NPIPB8: variants seen among roughly 807,000 people sequenced by gnomAD.
NPIPB8 encodes nuclear pore complex interacting protein family member B8, also known as nuclear pore complex-interacting protein family member B8.
A neutral mutation model predicts 5.3 loss-of-function variants in NPIPB8; 3 were observed. The ratio of observed to expected loss-of-function variants is 0.57; its 90% CI spans 0.26 to 1.47. The LOEUF (loss-of-function observed/expected upper bound fraction) is 1.47. Among genes scored for constraint, NPIPB8 ranks in the 40% most tolerant of loss-of-function variants. The pLI is 0.13. For synonymous variants in NPIPB8, 18 were observed against 23.0 expected, an observed-to-expected ratio of 0.78 and a Z score of 0.62; for missense variants, 50 against 50.2, an observed-to-expected ratio of 1.00 and a Z score of 0.01.
At chr16:28,639,058 G>C (rs1044147220) in intron 2 of NPIPB8, among the ~76,000 whole-genome samples, 7 of 142,364 alleles carry the variant, frequency 4.9e-5, no homozygotes, top group African/African-American at 1.9e-4. Flanking sequence ...GACAGAGCGA[G>C]ACTCTGTCAA....
chr16:28,642,288 T>C (rs1409133978), intron 2 of NPIPB8, among the ~76,000 whole-genome samples: 1 of 151,476 alleles, frequency 6.6e-6, no homozygotes, highest in Admixed American at 6.6e-5. Context: ...GTATTTTTAG[T>C]AGAGACAGGG....
chr16:28,640,289 C>T (rs1205416634), intron 2 of NPIPB8, among the ~76,000 whole-genome samples: 1 of 151,890 alleles, frequency 6.6e-6, no homozygotes, highest in African/African-American at 2.4e-5. Context: ...ATGTACACCA[C>T]TGAAGGCTCT....
chr16:28,645,110 C>T lies in NPIPB8; in HGVS notation c.121-3025C>T, dbSNP rs1378250849. 8.9e-5 allele frequency among the ~76,000 whole-genome samples: 11 copies of T among 123,706 alleles called. No individual in the cohort carries two copies. In the East Asian group the frequency reaches 1.5e-3, roughly 17 times the overall value. The allele number at this position is 123,706 out of a possible 152,430, so 81.2% of individuals were successfully genotyped here. A position where few individuals can be genotyped will look rare whatever the true frequency, so the allele number is the denominator to read the frequency against. The stretch of plus-strand genomic sequence containing the variant: ...CCAGGCTGGAGTGCAGTGGCAAGAT[C>T]TCGGCTCACTGCAACCTCCGCTTCC... On this transcript the variant is annotated intron_variant, in intron 2 of 7. Transcript: ENST00000683297.
At chr16:28,639,416 G>GACACACACACAGACAC (rs1385859108) in intron 2 of NPIPB8, among the ~76,000 whole-genome samples, 5 of 130,844 alleles carry the variant, frequency 3.8e-5, no homozygotes, top group Non-Finnish European at 6.7e-5. Flanking sequence ...CACACACACA[G>GACACACACACAGACAC]ACACACACAC....
At chr16:28,652,575 G>C (rs1408058711) in intron 5 of NPIPB8, among the ~76,000 whole-genome samples, 5 of 105,410 alleles carry the variant, frequency 4.7e-5, no homozygotes, top group African/African-American at 2.2e-4. Flanking sequence ...GGGAAGAGGA[G>C]TTGCTAGTAC....
chr16:28,644,821 C>T (rs1179436409), intron 2 of NPIPB8, among the ~76,000 whole-genome samples: 1 of 87,216 alleles, frequency 1.1e-5, no homozygotes, highest in Non-Finnish European at 2.4e-5. Flanking sequence ...ATGGCGAAAC[C>T]CCATCTCTAC....
At chr16:28,639,907 G>A (rs1390345132) in intron 2 of NPIPB8, among the ~76,000 whole-genome samples, 2 of 150,226 alleles carry the variant, frequency 1.3e-5, no homozygotes, top group Admixed American at 1.3e-4. Context: ...TGCATTGTCT[G>A]AATATTGACA....
chr16:28,650,942 G>T lies in NPIPB8; in HGVS notation c.304-1015G>T, dbSNP rs1390817749. ...ATAAGATGATAATTACCATCTAACCGTGTTGAAGTGTACAGTTCAGTTGTG... is the reference window on the plus strand; with the variant it reads ...ATAAGATGATAATTACCATCTAACCTTGTTGAAGTGTACAGTTCAGTTGTG... On this transcript the variant is annotated intron_variant, in intron 3 of 7. Transcript: ENST00000683297. 3.0e-4 allele frequency among the ~76,000 whole-genome samples: 27 copies of T among 89,766 alleles called. No homozygotes were observed. The East Asian group carries it at 8.5e-3, about 28-fold the overall frequency. 58.9% of individuals were successfully genotyped at this position (89,766 alleles called of 152,430 possible).
intron 3 of NPIPB8, among the ~76,000 whole-genome samples, chr16:28,650,953 T>C (rs1398773227): frequency 1.0e-5 from 1 of 98,076 alleles, no homozygotes; most frequent in Non-Finnish European, 1.8e-5. Context: ...TGTTGAAGTG[T>C]ACAGTTCAGT....
intron 2 of NPIPB8, among the ~76,000 whole-genome samples, chr16:28,639,735 G>C (rs1035302132): frequency 4.7e-5 from 7 of 149,266 alleles, no homozygotes; most frequent in Admixed American, 2.0e-4. Context: ...CTATAGGTGT[G>C]AGCCGCTACA....
intron 2 of NPIPB8, among the ~76,000 whole-genome samples, chr16:28,640,177 T>C (rs1464984332): frequency 1.3e-5 from 2 of 151,980 alleles, no homozygotes; most frequent in Non-Finnish European, 2.9e-5. Flanking sequence ...GACGGCAGGC[T>C]AGTCTGCATC....
At chr16:28,651,604 T>G (rs1178226805) in intron 3 of NPIPB8, among the ~76,000 whole-genome samples, 2 of 39,130 alleles carry the variant, frequency 5.1e-5, no homozygotes, top group South Asian at 1.0e-3. Flanking sequence ...CATGTCATTC[T>G]TGTGTGTGTG....
chr16:28,639,975 G>A (rs1002733816), intron 2 of NPIPB8, among the ~76,000 whole-genome samples: 91 of 151,086 alleles, frequency 6.0e-4, no homozygotes, highest in Non-Finnish European at 1.0e-3. Context: ...TGTGTGCCAG[G>A]CCCTGGGTTC....
At chr16:28,638,249 T>C in intron 1 of NPIPB8, 74 bp from the exon 2 acceptor site, 1 of 1,530,210 alleles carries the variant, frequency 6.5e-7, no homozygotes, top group East Asian at 2.4e-5. Context: ...CCTATGCTCT[T>C]GACCACTATA....
chr16:28,640,887 G>A (rs1418839809), intron 2 of NPIPB8, among the ~76,000 whole-genome samples: 1 of 152,094 alleles, frequency 6.6e-6, no homozygotes, highest in Non-Finnish European at 1.5e-5. Context: ...GGAACATTGA[G>A]AGAGTTGATT....
In NPIPB8 at chr16:28,638,372, C is replaced by G; in HGVS notation, c.12C>G (p.Leu4=). ...TTCTCATTCTGCAAATGGTGAAGCT[C>G]TCTATTGTCCTGACCCCACAGTTCC... MVK[L]SIVLTPQFLS... is the part of the protein sequence containing the mutation. The change falls in exon 2 of 8, where the codon CTC becomes CTG. Residue 4 remains leucine, a synonymous_variant. Transcript: ENST00000683297. 1 of 1,567,268 alleles carries G rather than the reference C, an allele frequency of 6.4e-7. No individual in the cohort carries two copies. Among genetic ancestry groups the G allele is most frequent in the Non-Finnish European group, 8.6e-7 (1 of 1,163,820 alleles).
At chr16:28,638,974 C>A (rs1045473269) in intron 2 of NPIPB8, among the ~76,000 whole-genome samples, 2 of 149,120 alleles carry the variant, frequency 1.3e-5, no homozygotes, top group Non-Finnish European at 3.0e-5. Context: ...GAGGCTGAGA[C>A]AGGAGAATTG....
At chr16:28,640,019 C>T (rs530372113) in intron 2 of NPIPB8, among the ~76,000 whole-genome samples, 1 of 151,412 alleles carries the variant, frequency 6.6e-6, no homozygotes, top group Non-Finnish European at 1.5e-5. Context: ...TCATTTAATT[C>T]TCTCTGCAAC....
chr16:28,645,093 G>C (rs1321390028), intron 2 of NPIPB8, among the ~76,000 whole-genome samples: 1 of 129,542 alleles, frequency 7.7e-6, no homozygotes, highest in Non-Finnish European at 1.7e-5. Flanking sequence ...GCCCAGGCTG[G>C]AGTGCAGTGG....
Sources: allele counts gnomAD v4.1 joint callset (sites outside exome capture counted in the v4.1 genomes callset), GRCh38; gene constraint gnomAD v4.1.1; transcripts MANE v1.5; gene names NCBI Gene and HGNC (gene_info 2026-07-23, HGNC 2026-07-21).